The following CSMD3 variants were observed in gnomAD, a reference collection of about 807,000 sequenced individuals.
The protein encoded by CSMD3 is CUB and Sushi multiple domains 3.
In CSMD3, 177 loss-of-function variants were observed where a neutral mutation model predicts 435.2. The ratio of observed to expected loss-of-function variants is 0.41; its 90% CI spans 0.36 to 0.46. CSMD3 has a LOEUF of 0.46. CSMD3 is among the 20% of genes least tolerant of loss of function. The probability of loss-of-function intolerance (pLI) is 0.34; values close to 1 mark genes in which losing one functional copy is unlikely to be tolerated. For missense variants in CSMD3, 4,265 were observed against 4,504.6 expected (o/e 0.95, Z 1.52); for synonymous variants, 1,656 against 1,520.5 (o/e 1.09, Z -2.07).
chr8:113,088,025 C>A (rs1361766091), intron 5 of CSMD3, among the ~76,000 whole-genome samples: 3 of 148,482 alleles, frequency 2.0e-5, no homozygotes, highest in Non-Finnish European at 3.0e-5. Context: ...AAAAAACAAA[C>A]AACCCCATCA....
chr8:112,889,516 C>T (rs1322665384), intron 10 of CSMD3, among the ~76,000 whole-genome samples: 1 of 151,648 alleles, frequency 6.6e-6, no homozygotes, highest in African/African-American at 2.4e-5. Flanking sequence ...CTCAAGCTGC[C>T]CAAGTATTTC....
At chr8:113,279,799 GT>G (rs1226189582) in intron 2 of CSMD3, among the ~76,000 whole-genome samples, 1 of 151,646 alleles carries the variant, frequency 6.6e-6, no homozygotes, top group Non-Finnish European at 1.5e-5. Flanking sequence ...AGTCTAATTA[GT>G]TTTTTCTTTA....
intron 9 of CSMD3, among the ~76,000 whole-genome samples, chr8:112,941,753 TCA>T (rs1296456605): frequency 6.6e-6 from 1 of 151,614 alleles, no homozygotes; most frequent in Non-Finnish European, 1.5e-5. Flanking sequence ...TAATATGAAA[TCA>T]CGTGTATGTC....
chr8:112,900,245 T>C (rs2082075761), intron 10 of CSMD3, among the ~76,000 whole-genome samples: 2 of 151,234 alleles, frequency 1.3e-5, no homozygotes, highest in Non-Finnish European at 3.0e-5. Context: ...GTCTCTTGTG[T>C]GTATATATTT....
chr8:112,801,021 T>G (rs2078948052), intron 12 of CSMD3, among the ~76,000 whole-genome samples: 1 of 151,976 alleles, frequency 6.6e-6, no homozygotes, highest in Non-Finnish European at 1.5e-5. Context: ...GACCTTAGGT[T>G]GCGGGGAAGT....
intron 13 of CSMD3, among the ~76,000 whole-genome samples, chr8:112,728,759 T>C (rs1191919054): frequency 6.6e-6 from 1 of 152,084 alleles, no homozygotes; most frequent in African/African-American, 2.4e-5. Flanking sequence ...TAAATTTGCA[T>C]GCCATTTCTC....
rs903985605 is a variant in CSMD3 at position 113,397,035 on chromosome 8, G to A, written c.178+39642C>T. Among the ~76,000 whole-genome samples the A allele has an allele frequency of 1.6e-4, 24 of 152,142 alleles. No individual in the cohort carries two copies. The South Asian group carries it at 1.7e-3, about 11-fold the overall frequency. ...AAGAATATTTATTTTAAGTATAAAC[G>A]AATGAATGTTGGAAAGAAGATAATG... is the stretch of plus-strand genomic sequence containing the variant. On this transcript the variant is annotated intron_variant, in intron 1 of 70. Coordinates refer to ENST00000297405, the MANE Select transcript of CSMD3 (RefSeq NM_198123.2).
At chr8:112,987,388 AAT>A (rs1440031755) in intron 6 of CSMD3, among the ~76,000 whole-genome samples, 1 of 152,160 alleles carries the variant, frequency 6.6e-6, no homozygotes, top group Non-Finnish European at 1.5e-5. Flanking sequence ...TTGACATTCC[AAT>A]ATGTTTACTT....
chr8:113,226,196 T>A (rs945204643), intron 3 of CSMD3, among the ~76,000 whole-genome samples: 1 of 151,524 alleles, frequency 6.6e-6, no homozygotes, highest in Non-Finnish European at 1.5e-5. Flanking sequence ...AGTGTTATAA[T>A]GTTATTATAG....
chr8:112,393,510 T>C (rs1830615124), intron 35 of CSMD3, among the ~76,000 whole-genome samples: 1 of 152,216 alleles, frequency 6.6e-6, no homozygotes, highest in Non-Finnish European at 1.5e-5. Flanking sequence ...TATGTTAGTC[T>C]CTTGAAACAG....
chr8:112,924,154 G>T (rs960818584), intron 9 of CSMD3, among the ~76,000 whole-genome samples: 1 of 152,154 alleles, frequency 6.6e-6, no homozygotes, highest in African/African-American at 2.4e-5. Flanking sequence ...TGTTACAGGG[G>T]TTTAAGACAA....
chr8:112,818,643 A>G (rs1421229328), intron 12 of CSMD3, among the ~76,000 whole-genome samples: 1 of 152,146 alleles, frequency 6.6e-6, no homozygotes, highest in Non-Finnish European at 1.5e-5. Flanking sequence ...ACTGTTTTGA[A>G]ATGTGGGCAA....
At position 112,380,939 on chromosome 8, in the gene CSMD3, G is replaced by A. The variant is rs527455048; in HGVS notation, c.6032-483C>T. 8.4e-4 allele frequency among the ~76,000 whole-genome samples: 128 copies of A among 152,152 alleles called. No homozygotes were observed. The South Asian group carries it at 0.025, about 30-fold the overall frequency. The stretch of plus-strand genomic sequence containing the variant: ...TTTTGAAGACTGTGTTATACCAGAG[G>A]CTTCTGATTGTCAAAGTGATAACCA... On this transcript the variant is annotated intron_variant, in intron 37 of 70. Coordinates refer to ENST00000297405, the MANE Select transcript of CSMD3 (RefSeq NM_198123.2).
intron 9 of CSMD3, among the ~76,000 whole-genome samples, chr8:112,939,118 T>C (rs2130755177): frequency 6.6e-6 from 1 of 152,266 alleles, no homozygotes; most frequent in African/African-American, 2.4e-5. Context: ...AAGTGAGGAA[T>C]CCTTTCCTGA....
intron 3 of CSMD3, among the ~76,000 whole-genome samples, chr8:113,179,107 G>T (rs1401774586): frequency 3.3e-5 from 5 of 151,646 alleles, no homozygotes; most frequent in Non-Finnish European, 7.4e-5. Flanking sequence ...TGATAAAACG[G>T]ATTATCAAAA....
intron 38 of CSMD3, among the ~76,000 whole-genome samples, chr8:112,361,566 CACAT>C (rs1291906987): frequency 8.6e-4 from 47 of 54,364 alleles, no homozygotes; most frequent in Non-Finnish European, 1.3e-3. Context: ...TATATATATA[CACAT>C]ACATATATAT....
chr8:112,632,203 C>T (rs189444820), intron 22 of CSMD3, among the ~76,000 whole-genome samples: 3 of 152,000 alleles, frequency 2.0e-5, no homozygotes, highest in Middle Eastern at 3.4e-3. Context: ...ACAGACAGTT[C>T]GCATATATGC....
intron 5 of CSMD3, among the ~76,000 whole-genome samples, chr8:113,041,148 G>T (rs1182750933): frequency 6.8e-6 from 1 of 148,000 alleles, no homozygotes; most frequent in Non-Finnish European, 1.5e-5. Flanking sequence ...AGAGGTTGCG[G>T]TGAGCCGAGA....
At position 112,345,285 on chromosome 8, in the gene CSMD3, A is replaced by C. The variant is rs1825557182; in HGVS notation, c.6442+812T>G. Among the ~76,000 whole-genome samples the C allele has an allele frequency of 3.3e-5, 5 of 152,212 alleles. No individual in the cohort carries two copies. The South Asian group carries it at 1.0e-3, about 31-fold the overall frequency. ...GTCAGAATCTTGAAGAGATATCTTC[A>C]ATCTTGTATTTCTGCAGCATTACTC... On this transcript the variant is annotated intron_variant, in intron 41 of 70. Coordinates refer to ENST00000297405, the MANE Select transcript of CSMD3 (RefSeq NM_198123.2).
Sources: gnomAD v4.1 joint callset for allele counts (sites outside exome capture counted in the v4.1 genomes callset) on GRCh38, gnomAD v4.1.1 for gene constraint, MANE v1.5 for transcripts, NCBI Gene and HGNC (gene_info 2026-07-23, HGNC 2026-07-21) for gene names.